The following UVRAG variants were observed in gnomAD, a reference collection of about 807,000 sequenced individuals.
The protein encoded by UVRAG is UV radiation resistance-associated gene protein.
A neutral mutation model predicts 78.0 loss-of-function variants in UVRAG; 19 were observed. That is an observed-to-expected ratio of 0.24 (90% confidence interval 0.17 to 0.36). The LOEUF (loss-of-function observed/expected upper bound fraction) is 0.36, where lower values mean the gene tolerates loss of function less well. Among genes scored for constraint, UVRAG ranks in the 10% least tolerant of loss-of-function variants. The pLI is 1.00. For missense variants in UVRAG, 740 were observed against 853.8 expected, an observed-to-expected ratio of 0.87 and a Z score of 1.66; for synonymous variants, 323 against 324.6, an observed-to-expected ratio of 1.00 and a Z score of 0.05.
chr11:75,869,406 G>A (rs1348536828), intron 3 of UVRAG, among the ~76,000 whole-genome samples: 1 of 152,220 alleles, frequency 6.6e-6, no homozygotes, highest in Non-Finnish European at 1.5e-5. Context: ...TGGTCTGAGT[G>A]ATTCTCAAAC....
chr11:75,865,722 C>G (rs1478070266), intron 3 of UVRAG, among the ~76,000 whole-genome samples: 4 of 151,670 alleles, frequency 2.6e-5, no homozygotes, highest in South Asian at 2.1e-4. Context: ...TCAAATGATT[C>G]TCTTGCTTCA....
intron 11 of UVRAG, among the ~76,000 whole-genome samples, chr11:76,010,059 C>T (rs1038229174): frequency 5.9e-5 from 9 of 152,072 alleles, no homozygotes; most frequent in Non-Finnish European, 1.3e-4. Flanking sequence ...GTCTGGTTTC[C>T]ATTTCATAGT....
At chr11:76,123,625 A>C (rs1289699174) in intron 14 of UVRAG, among the ~76,000 whole-genome samples, 1 of 152,160 alleles carries the variant, frequency 6.6e-6, no homozygotes, top group Non-Finnish European at 1.5e-5. Context: ...CTGATTATAG[A>C]GCTTAAACTA....
At chr11:76,108,075 G>A (rs754033386) in intron 13 of UVRAG, among the ~76,000 whole-genome samples, 1 of 152,038 alleles carries the variant, frequency 6.6e-6, no homozygotes, top group Admixed American at 6.6e-5. Flanking sequence ...ATTCCCTCAC[G>A]ATAACACACG....
intron 1 of UVRAG, among the ~76,000 whole-genome samples, chr11:75,824,028 T>C (rs1005021206): frequency 6.6e-6 from 1 of 152,146 alleles, no homozygotes; most frequent in Non-Finnish European, 1.5e-5. Flanking sequence ...GATACCCTAC[T>C]TTTGCTAATC....
chr11:76,089,714 C>T (rs937739469), intron 13 of UVRAG, among the ~76,000 whole-genome samples: 6 of 152,180 alleles, frequency 3.9e-5, no homozygotes, highest in Non-Finnish European at 8.8e-5. Context: ...ACAATCTTAG[C>T]AGATTATGTT....
chr11:75,822,010 T>C (rs1407728945), intron 1 of UVRAG, among the ~76,000 whole-genome samples: 3 of 146,170 alleles, frequency 2.1e-5, no homozygotes, highest in African/African-American at 7.6e-5. Flanking sequence ...AATGGCACAA[T>C]GTCAGCTCAC....
intron 8 of UVRAG, chr11:75,983,814 T>C (rs1366505865): frequency 4.4e-6 from 1 of 227,220 alleles, no homozygotes; most frequent in African/African-American, 2.3e-5. Flanking sequence ...ATGGTGAGTA[T>C]TTATGTATCT....
At chr11:76,095,870 CAAAAA>C (rs747792893) in intron 13 of UVRAG, among the ~76,000 whole-genome samples, 4 of 45,958 alleles carry the variant, frequency 8.7e-5, no homozygotes, top group African/African-American at 3.0e-4. Flanking sequence ...GACTCTGTCT[CAAAAA>C]AAAAAAAAAA....
chr11:76,070,867 C>G (rs1159612413), intron 13 of UVRAG, among the ~76,000 whole-genome samples: 3 of 152,152 alleles, frequency 2.0e-5, no homozygotes, highest in Non-Finnish European at 4.4e-5. Flanking sequence ...TTAATGATTA[C>G]AGTTTCCGTT....
At chr11:75,859,713 A>AT (rs1590942915) in intron 2 of UVRAG, among the ~76,000 whole-genome samples, 1 of 151,924 alleles carries the variant, frequency 6.6e-6, no homozygotes, top group East Asian at 1.9e-4. Flanking sequence ...ACATTCACTC[A>AT]TTTTTTTATA....
At chr11:75,887,471 G>T (rs1327461018) in intron 4 of UVRAG, among the ~76,000 whole-genome samples, 2 of 125,728 alleles carry the variant, frequency 1.6e-5, no homozygotes, top group Admixed American at 1.7e-4. Flanking sequence ...TTTTTGAGAC[G>T]GAGTCTCGCT....
intron 7 of UVRAG, among the ~76,000 whole-genome samples, chr11:75,964,806 A>AT (rs1948983202): frequency 6.6e-6 from 1 of 151,966 alleles, no homozygotes; most frequent in Non-Finnish European, 1.5e-5. Flanking sequence ...CGTAAGGGTA[A>AT]TTTTTTCCCC....
intron 6 of UVRAG, among the ~76,000 whole-genome samples, chr11:75,918,705 G>A (rs923234068): frequency 6.6e-6 from 1 of 152,086 alleles, no homozygotes; most frequent in East Asian, 1.9e-4. Context: ...TAGCCCTATC[G>A]CAGTGTGTAT....
In UVRAG at chr11:75,979,639, A is replaced by T. The variant is rs146207833; in HGVS notation, c.700-3748A>T. 4.0e-3 allele frequency: 609 copies of T among 154,110 alleles called. 3 individuals carry two copies. The highest frequency in any genetic ancestry group is 0.014 in the African/African-American group (586 of 41,592). The allele number at this position is 154,110 out of a possible 1,614,324, so 9.5% of individuals were successfully genotyped here. A position where few individuals can be genotyped will look rare whatever the true frequency, so the allele number is the denominator to read the frequency against. ...TTTGATCTCAGACTGCTGTGCTAGCAGTGAGCAAGGCTCCGTGGGCGTGGG... is the reference window on the plus strand; with the variant it reads ...TTTGATCTCAGACTGCTGTGCTAGCTGTGAGCAAGGCTCCGTGGGCGTGGG... On this transcript the variant is annotated intron_variant, in intron 7 of 14. Transcript: ENST00000356136.
intron 3 of UVRAG, among the ~76,000 whole-genome samples, chr11:75,874,184 G>C (rs986021792): frequency 6.6e-6 from 1 of 152,020 alleles, no homozygotes; most frequent in African/African-American, 2.4e-5. Context: ...GCCTCTGGCT[G>C]TGAGATATAA....
chr11:75,866,591 GC>G (rs1213154879), intron 3 of UVRAG, among the ~76,000 whole-genome samples: 1 of 151,312 alleles, frequency 6.6e-6, no homozygotes, highest in African/African-American at 2.4e-5. Context: ...AAAACTTTGT[GC>G]TTTTTTTTTT....
In UVRAG at chr11:76,079,321, A is replaced by G. The variant is rs79098954; in HGVS notation, c.1305+13533A>G. Among the ~76,000 whole-genome samples, 907 of 152,022 alleles carry G rather than the reference A, an allele frequency of 6.0e-3. 3 individuals carry two copies. The highest frequency in any genetic ancestry group is 9.7e-3 in the Non-Finnish European group (662 of 67,932). ...CAGCACAACAAGACCTCATCTCTAC[A>G]AAAAATTAAAAAAATTATCCGGACA... On this transcript the variant is annotated intron_variant, in intron 13 of 14. Coordinates refer to ENST00000356136, the MANE Select transcript of UVRAG (RefSeq NM_003369.4).
chr11:76,054,283 T>C (rs1377922839), intron 12 of UVRAG, among the ~76,000 whole-genome samples: 1 of 152,208 alleles, frequency 6.6e-6, no homozygotes, highest in Non-Finnish European at 1.5e-5. Context: ...TGGCTCTGTC[T>C]TCAAAATGAG....
Sources: gnomAD v4.1 joint callset for allele counts (sites outside exome capture counted in the v4.1 genomes callset) on GRCh38, gnomAD v4.1.1 for gene constraint, MANE v1.5 for transcripts, NCBI Gene and HGNC (gene_info 2026-07-23, HGNC 2026-07-21) for gene names.